The following CFAP299 variants were observed in gnomAD, a reference collection of about 807,000 sequenced individuals.
The protein encoded by CFAP299 is cilia- and flagella-associated protein 299.
CFAP299 carries 21 observed loss-of-function variants against 27.0 expected under a neutral mutation model. The ratio of observed to expected loss-of-function variants is 0.78; its 90% confidence interval spans 0.55 to 1.12. CFAP299 has a LOEUF of 1.12. Ranked by LOEUF, CFAP299 falls within the 50% of genes most tolerant of loss-of-function variation. The pLI is 0.00. For synonymous variants in CFAP299, 104 were observed against 98.1 expected, an observed-to-expected ratio of 1.06 and a Z score of -0.36; for missense variants, 310 against 276.6, an observed-to-expected ratio of 1.12 and a Z score of -0.86.
chr4:80,770,427 G>T (rs1250546381), intron 3 of CFAP299, among the ~76,000 whole-genome samples: 1 of 149,668 alleles, frequency 6.7e-6, no homozygotes, highest in Non-Finnish European at 1.5e-5. Flanking sequence ...TTTATGGACT[G>T]AAAGCTGTGT....
intron 3 of CFAP299, among the ~76,000 whole-genome samples, chr4:80,693,502 A>T (rs1334720224): frequency 2.2e-5 from 3 of 136,660 alleles, no homozygotes; most frequent in Admixed American, 7.7e-5. Context: ...AACAATGAGA[A>T]CACATGGACA....
At chr4:80,624,490 A>G (rs1161417643) in intron 3 of CFAP299, among the ~76,000 whole-genome samples, 2 of 151,948 alleles carry the variant, frequency 1.3e-5, no homozygotes, top group Non-Finnish European at 2.9e-5. Context: ...TATGAGATTT[A>G]TGGGGCAGCA....
At chr4:80,697,844 C>T (rs1343643286) in intron 3 of CFAP299, among the ~76,000 whole-genome samples, 1 of 152,046 alleles carries the variant, frequency 6.6e-6, no homozygotes, top group Non-Finnish European at 1.5e-5. Flanking sequence ...CAAAGTGACA[C>T]CGAAGATAAT....
chr4:80,902,593 A>ACG (rs1161965830), intron 4 of CFAP299, among the ~76,000 whole-genome samples: 8 of 144,114 alleles, frequency 5.6e-5, no homozygotes, highest in Non-Finnish European at 1.2e-4. Flanking sequence ...ATATACACAC[A>ACG]CACACACACA....
rs193202359 is a variant in CFAP299 at position 80,590,796 on chromosome 4, T to C, written c.333+7613T>C. 5.3e-5 allele frequency among the ~76,000 whole-genome samples: 8 copies of C among 152,302 alleles called. No homozygotes were observed. The East Asian group carries it at 1.5e-3, about 29-fold the overall frequency. On this transcript the variant is annotated intron_variant, in intron 3 of 5. Coordinates refer to ENST00000358105, the MANE Select transcript of CFAP299 (RefSeq NM_152770.3). ...GTATAGTACACATTGAGGAATAATA[T>C]ACCTTAACTTAAGGAAAATGGTTAC...
chr4:80,396,990 G>T (rs972825861), intron 2 of CFAP299, among the ~76,000 whole-genome samples: 7 of 152,092 alleles, frequency 4.6e-5, no homozygotes, highest in Non-Finnish European at 7.4e-5. Flanking sequence ...GTAGAATTTG[G>T]CTGTGAATCC....
chr4:80,728,319 G>T (rs1265672569), intron 3 of CFAP299, among the ~76,000 whole-genome samples: 1 of 151,936 alleles, frequency 6.6e-6, no homozygotes, highest in African/African-American at 2.4e-5. Flanking sequence ...ATTTTCTAAA[G>T]ACAAAGAAAT....
chr4:80,404,767 G>C (rs1361205141), intron 2 of CFAP299, among the ~76,000 whole-genome samples: 2 of 152,170 alleles, frequency 1.3e-5, no homozygotes, highest in Non-Finnish European at 2.9e-5. Context: ...ATTTCTTTGA[G>C]AGCATGCTTT....
chr4:80,754,090 G>A (rs1028623186), intron 3 of CFAP299, among the ~76,000 whole-genome samples: 1 of 152,080 alleles, frequency 6.6e-6, no homozygotes, highest in African/African-American at 2.4e-5. Flanking sequence ...GTTGTGGACT[G>A]AACATACTGT....
chr4:80,683,657 G>A (rs1222272770), intron 3 of CFAP299, among the ~76,000 whole-genome samples: 1 of 152,052 alleles, frequency 6.6e-6, no homozygotes, highest in African/African-American at 2.4e-5. Flanking sequence ...GTAACCCTTT[G>A]ATAATGCTAG....
chr4:80,421,994 G>A (rs1273623110), intron 2 of CFAP299, among the ~76,000 whole-genome samples: 5 of 152,098 alleles, frequency 3.3e-5, no homozygotes, highest in Admixed American at 6.6e-5. Context: ...AATGTCAAGG[G>A]TAGTTTTGTT....
the CFAP299 span, among the ~76,000 whole-genome samples, chr4:80,328,072 C>T: frequency 6.6e-6 from 1 of 151,636 alleles, no homozygotes; most frequent in Admixed American, 6.6e-5. Context: ...TAATTGGCGA[C>T]CTAGAAAAAA....
rs540234737 is a variant in CFAP299 at position 80,843,600 on chromosome 4, C to T, written c.334-26393C>T. ...AATCCTTTGGGTATATACCCAGTAACGGGGTGGCTGGGTCAAATACTATTT... is the reference window on the plus strand; with the variant it reads ...AATCCTTTGGGTATATACCCAGTAATGGGGTGGCTGGGTCAAATACTATTT... On this transcript the variant is annotated intron_variant, in intron 3 of 5. Coordinates refer to ENST00000358105, the MANE Select transcript of CFAP299 (RefSeq NM_152770.3). 9.7e-4 allele frequency among the ~76,000 whole-genome samples: 148 copies of T among 151,962 alleles called. 1 individual carries two copies. The highest frequency in any genetic ancestry group is 3.1e-3 in the African/African-American group (127 of 41,418).
chr4:80,453,262 G>A (rs1027399166), intron 2 of CFAP299, among the ~76,000 whole-genome samples: 1 of 151,774 alleles, frequency 6.6e-6, no homozygotes, highest in African/African-American at 2.4e-5. Context: ...TTTGTTTACC[G>A]AGACTTGCAT....
At chr4:80,685,485 T>C (rs1720124077) in intron 3 of CFAP299, among the ~76,000 whole-genome samples, 1 of 152,112 alleles carries the variant, frequency 6.6e-6, no homozygotes. Flanking sequence ...TGCTGTTGGA[T>C]AGGTTCTTGT....
chr4:80,611,450 G>A (rs2109917449), intron 3 of CFAP299, among the ~76,000 whole-genome samples: 1 of 152,020 alleles, frequency 6.6e-6, no homozygotes, highest in Middle Eastern at 3.4e-3. Flanking sequence ...ATCTACAACG[G>A]CAATCTAAAT....
chr4:80,678,350 T>G (rs1225862448), intron 3 of CFAP299, among the ~76,000 whole-genome samples: 1 of 152,048 alleles, frequency 6.6e-6, no homozygotes, highest in Non-Finnish European at 1.5e-5. Flanking sequence ...ACTCTGAGCA[T>G]TGTGCAGTAG....
At chr4:80,540,706 A>G (rs1411858535) in intron 2 of CFAP299, among the ~76,000 whole-genome samples, 3 of 152,226 alleles carry the variant, frequency 2.0e-5, no homozygotes, top group East Asian at 1.9e-4. Context: ...TCCAACCAGA[A>G]GGATGAAGTA....
chr4:80,347,181 G>A (rs1722772729), intron 1 of CFAP299, among the ~76,000 whole-genome samples: 1 of 152,024 alleles, frequency 6.6e-6, no homozygotes. Context: ...GGACTGAGAC[G>A]ATGGGGTTTT....
Sources: gnomAD v4.1 joint callset for allele counts (sites outside exome capture counted in the v4.1 genomes callset) on GRCh38, gnomAD v4.1.1 for gene constraint, MANE v1.5 for transcripts, NCBI Gene and HGNC (gene_info 2026-07-23, HGNC 2026-07-21) for gene names.